The following HS6ST3 variants were observed in gnomAD, a reference collection of about 807,000 sequenced individuals.
HS6ST3 encodes the protein heparan-sulfate 6-O-sulfotransferase 3.
In HS6ST3, 12 loss-of-function variants were observed where a neutral mutation model predicts 36.7. That is an observed-to-expected ratio of 0.33 (90% CI 0.21 to 0.53). The LOEUF (loss-of-function observed/expected upper bound fraction) is 0.53, where lower values mean the gene tolerates loss of function less well. Ranked by LOEUF, HS6ST3 falls within the 20% of genes least tolerant of loss-of-function variation. HS6ST3 has a pLI of 0.95. For missense variants in HS6ST3, 584 were observed against 640.9 expected, an observed-to-expected ratio of 0.91 and a Z score of 0.96; for synonymous variants, 240 against 257.5, an observed-to-expected ratio of 0.93 and a Z score of 0.65.
rs1282878647 is a variant in HS6ST3, at chr13:96,837,640, C to G, written c.*4442C>G. On this transcript the variant is annotated 3_prime_UTR_variant, in exon 2 of 2. Coordinates refer to ENST00000376705, the MANE Select transcript of HS6ST3 (RefSeq NM_153456.4). Reference sequence around the variant, plus strand: ...AAGTTTACTCTCAGCTCCCTACCTCCAGTGAGGGGGCCTCTTATTAGGAAT... The same window carrying G: ...AAGTTTACTCTCAGCTCCCTACCTCGAGTGAGGGGGCCTCTTATTAGGAAT... 3.9e-5 allele frequency: 6 copies of G among 152,168 alleles called. No homozygotes were observed. The highest frequency in any genetic ancestry group is 8.8e-5 in the Non-Finnish European group (6 of 68,038). The allele number at this position is 152,168 out of a possible 1,614,324, so 9.4% of individuals were successfully genotyped here.
chr13:96,344,875 C>T (rs1274106717), intron 1 of HS6ST3, among the ~76,000 whole-genome samples: 2 of 152,186 alleles, frequency 1.3e-5, no homozygotes, highest in Non-Finnish European at 2.9e-5. Context: ...AATCTTATGA[C>T]ATGATCTTGT....
In HS6ST3 at chr13:96,833,117, G is replaced by T. The variant is rs774890970; in HGVS notation, c.1335G>T (p.Arg445Ser). 5.0e-6 allele frequency: 8 copies of T among 1,603,646 alleles called. No individual in the cohort carries two copies. In the African/African-American group the frequency reaches 6.7e-5, roughly 13 times the overall value. Residue 445 changes from arginine to serine, a missense_variant, in exon 2 of 2, where the codon AGG becomes AGT. By Grantham distance (110) the Arg-to-Ser change is moderately radical (BLOSUM62 -1). This residue lies in a region of HS6ST3 where 360 missense variants were observed against 411.3 expected (regional missense o/e 0.88). Transcript: ENST00000376705. ...REERRLQREH[R>S]DHQWPKEDGA... ...AGCGGAGGCTGCAGCGAGAGCACAG[G>T]GACCACCAGTGGCCCAAAGAAGATG...
chr13:96,236,265 C>A (rs914526661), intron 1 of HS6ST3, among the ~76,000 whole-genome samples: 1 of 152,100 alleles, frequency 6.6e-6, no homozygotes, highest in Non-Finnish European at 1.5e-5. Flanking sequence ...CAGGTGTTAA[C>A]CTCTCTAGCA....
chr13:96,132,018 G>GT lies in HS6ST3; in HGVS notation c.707+40450dup, dbSNP rs550532192. ...ATGAGATCATGTGGTACTTGTCTTTGTGTGTCTGGCTTATTTTATATAACA... is the reference window on the plus strand; with the variant it reads ...ATGAGATCATGTGGTACTTGTCTTTGTTGTGTCTGGCTTATTTTATATAACA... On this transcript the variant is annotated intron_variant, in intron 1 of 1. Coordinates refer to ENST00000376705, the MANE Select transcript of HS6ST3 (RefSeq NM_153456.4). Among the ~76,000 whole-genome samples the GT allele has an allele frequency of 3.1e-3, 473 of 151,510 alleles. 2 individuals carry two copies. The highest frequency in any genetic ancestry group is 0.011 in the African/African-American group (464 of 41,274).
intron 1 of HS6ST3, among the ~76,000 whole-genome samples, chr13:96,203,272 T>C (rs902062245): frequency 6.6e-6 from 1 of 152,170 alleles, no homozygotes; most frequent in Non-Finnish European, 1.5e-5. Flanking sequence ...GTAGATGCAA[T>C]GTCTGGTGAG....
At chr13:96,599,574 C>T in intron 1 of HS6ST3, among the ~76,000 whole-genome samples, 1 of 151,186 alleles carries the variant, frequency 6.6e-6, no homozygotes. Context: ...TTTTATCTTT[C>T]CAAATAATCA....
rs558169617 is a variant in HS6ST3 at position 96,379,440 on chromosome 13, A to G, written c.707+287871A>G. Among the ~76,000 whole-genome samples, 5 of 152,332 alleles carry G rather than the reference A, an allele frequency of 3.3e-5. No homozygotes were observed. The East Asian group carries it at 9.7e-4, about 29-fold the overall frequency. ...AGGTGCCATCTATGAACCAGGAAGC[A>G]GGTCCTCACTAGACACTGGATCTGA... On this transcript the variant is annotated intron_variant, in intron 1 of 1. Coordinates refer to ENST00000376705, the MANE Select transcript of HS6ST3 (RefSeq NM_153456.4).
intron 1 of HS6ST3, among the ~76,000 whole-genome samples, chr13:96,254,204 A>G (rs990241003): frequency 1.3e-5 from 2 of 151,696 alleles, no homozygotes. Flanking sequence ...TCACGAGGTC[A>G]GGAGTTTGAG....
chr13:96,480,168 C>T (rs553739252), intron 1 of HS6ST3, among the ~76,000 whole-genome samples: 67 of 152,294 alleles, frequency 4.4e-4, no homozygotes, highest in African/African-American at 1.3e-3. Flanking sequence ...GGCTGGAGCG[C>T]GGTGGCATGA....
chr13:96,156,112 A>G (rs759355381), intron 1 of HS6ST3, among the ~76,000 whole-genome samples: 2 of 152,188 alleles, frequency 1.3e-5, no homozygotes, highest in East Asian at 3.9e-4. Context: ...AGTTGGGACA[A>G]TTTTAAGCAC....
Position 96,833,540 on chromosome 13 carries a change from G to A in HS6ST3, c.*342G>A, listed in dbSNP as rs1202390100. 1 of 221,176 alleles carries A rather than the reference G, an allele frequency of 4.5e-6. No homozygotes were observed. The highest frequency in any genetic ancestry group is 9.9e-5 in the East Asian group (1 of 10,088). 13.7% of individuals were successfully genotyped at this position (221,176 alleles called of 1,614,324 possible). On this transcript the variant is annotated 3_prime_UTR_variant, in exon 2 of 2. Transcript: ENST00000376705. ...AGTTTGGGTACCAGGAACCCACAGA[G>A]GCACACATGAAAAGCCAAATTATGG...
intron 1 of HS6ST3, among the ~76,000 whole-genome samples, chr13:96,278,913 C>A (rs570988024): frequency 6.6e-6 from 1 of 152,050 alleles, no homozygotes; most frequent in Admixed American, 6.6e-5. Context: ...ATTTTGTGTT[C>A]TTCAGGTATT....
intron 1 of HS6ST3, among the ~76,000 whole-genome samples, chr13:96,166,666 C>T (rs1268104017): frequency 2.0e-5 from 3 of 150,234 alleles, no homozygotes; most frequent in Non-Finnish European, 4.4e-5. Context: ...CCCACCTTGG[C>T]CTCCCAAAGT....
chr13:96,133,843 G>GTTTTTTTTTTTTTTTT (rs71113979), intron 1 of HS6ST3, among the ~76,000 whole-genome samples: 2 of 142,158 alleles, frequency 1.4e-5, no homozygotes, highest in African/African-American at 2.6e-5. Flanking sequence ...GAGCTTTTAT[G>GTTTTTTTTTTTTTTTT]TTTTTTTTTT....
chr13:96,825,183 A>T (rs1566462835), intron 1 of HS6ST3, among the ~76,000 whole-genome samples: 1 of 152,210 alleles, frequency 6.6e-6, no homozygotes, highest in Non-Finnish European at 1.5e-5. Flanking sequence ...GAAGGAATCT[A>T]TTTAATAAAC....
chr13:96,818,794 T>A (rs1350785645), intron 1 of HS6ST3, among the ~76,000 whole-genome samples: 2 of 152,236 alleles, frequency 1.3e-5, no homozygotes, highest in Non-Finnish European at 2.9e-5. Context: ...ACTATCCTTC[T>A]TGGTCTTTTC....
intron 1 of HS6ST3, among the ~76,000 whole-genome samples, chr13:96,559,191 A>C (rs920423501): frequency 2.0e-5 from 3 of 152,032 alleles, no homozygotes; most frequent in African/African-American, 7.2e-5. Context: ...ATCTCAGCTC[A>C]CTGCAACCTC....
chr13:96,337,778 T>G (rs1214148156), intron 1 of HS6ST3, among the ~76,000 whole-genome samples: 1 of 152,134 alleles, frequency 6.6e-6, no homozygotes, highest in Non-Finnish European at 1.5e-5. Context: ...TTTTTTCTTT[T>G]GGGGGCAACT....
intron 1 of HS6ST3, among the ~76,000 whole-genome samples, chr13:96,144,518 T>C (rs1008592207): frequency 6.6e-6 from 1 of 152,058 alleles, no homozygotes; most frequent in Admixed American, 6.6e-5. Context: ...AGATCCAAGT[T>C]CTTTTTCAGG....
Sources: gnomAD v4.1 joint callset for allele counts (sites outside exome capture counted in the v4.1 genomes callset) on GRCh38, gnomAD v4.1.1 for gene constraint, gnomAD v4.1.1 regional missense constraint, MANE v1.5 for transcripts, NCBI Gene and HGNC (gene_info 2026-07-23, HGNC 2026-07-21) for gene names.